Variants in PNPLA6 observed in about 807,000 individuals in gnomAD.
PNPLA6 encodes patatin like domain 6, lysophospholipase.
In PNPLA6, 105 loss-of-function variants were observed where a neutral mutation model predicts 153.7. That is an observed-to-expected ratio of 0.68 (90% CI 0.58 to 0.80). The LOEUF (loss-of-function observed/expected upper bound fraction) is 0.80, where lower values mean the gene tolerates loss of function less well. Among genes scored for constraint, PNPLA6 ranks in the 30% least tolerant of loss-of-function variants. The pLI, the probability that PNPLA6 is intolerant of heterozygous loss-of-function variation, is 0.00. For missense variants in PNPLA6, 1,423 were observed against 1,919.3 expected, an observed-to-expected ratio of 0.74 and a Z score of 4.83; for synonymous variants, 825 against 822.2, an observed-to-expected ratio of 1.00 and a Z score of -0.06.
In PNPLA6 at chr19:7,540,265, A is replaced by T; in HGVS notation, c.671A>T (p.Tyr224Phe). Residue 224 changes from tyrosine to phenylalanine, a missense_variant, in exon 5 of 32, where the codon TAC becomes TTC. By Grantham distance (22) the Tyr-to-Phe change is conservative. Around this residue, in one of 10 missense-constraint regions of PNPLA6, gnomAD observed 118 missense variants for 158.8 expected, o/e 0.74. Coordinates refer to ENST00000600737, the MANE Select transcript of PNPLA6 (RefSeq NM_001166114.2). The surrounding 1 kb of genome is among the most constrained non-coding windows in gnomAD (Gnocchi z 6.8). ...CCGGGCCAGCCAGATGCCAGCATCT[A>T]CGTGGTGCAGGACGGGCTGCTGGAG... ...FRPGQPDASI[Y>F]VVQDGLLELC... The T allele has an allele frequency of 6.2e-7, 1 of 1,609,186 alleles. No individual in the cohort carries two copies. The highest frequency in any genetic ancestry group is 1.1e-5 in the South Asian group (1 of 91,066).
At position 7,551,452 on chromosome 19, in the gene PNPLA6, G is replaced by A. The variant is rs1218990050; in HGVS notation, c.2260+15G>A. 25 of 1,608,902 alleles carry A rather than the reference G, an allele frequency of 1.6e-5. No individual in the cohort carries two copies. The highest frequency in any genetic ancestry group is 2.0e-5 in the Non-Finnish European group (24 of 1,175,504). Reference sequence around the variant, plus strand: ...ACCCTTCCCAGGTGAGAGCCGGCCGGCCCAGAGCGTGCTGGGAGATGTAGT... The same window carrying A: ...ACCCTTCCCAGGTGAGAGCCGGCCGACCCAGAGCGTGCTGGGAGATGTAGT... On this transcript the variant is annotated intron_variant, in intron 18 of 31. Transcript: ENST00000600737.
In PNPLA6 at chr19:7,557,160, C is replaced by A; in HGVS notation, c.3281-8C>A. 1 of 1,601,944 alleles carries A rather than the reference C, an allele frequency of 6.2e-7. No homozygotes were observed. The highest frequency in any genetic ancestry group is 8.5e-7 in the Non-Finnish European group (1 of 1,170,896). ...TGCGTGTTTGTGTCTGTGTGTCCCA[C>A]CGCGCAGGCTCCCTGTGGCGGTACG... On this transcript the variant is annotated splice_region_variant and splice_polypyrimidine_tract_variant and intron_variant, in intron 26 of 31. Coordinates refer to ENST00000600737, the MANE Select transcript of PNPLA6 (RefSeq NM_001166114.2).
chr19:7,559,227 T>C, intron 28 of PNPLA6, 76 bp downstream of exon 28: 3 of 1,277,362 alleles, frequency 2.3e-6, no homozygotes, highest in Non-Finnish European at 3.4e-6. Flanking sequence ...CAGAGTGGTA[T>C]GAGGGGGAGG....
intron 21 of PNPLA6, 76 bp downstream of exon 21, chr19:7,554,799 G>A (rs2023799002): frequency 8.8e-6 from 14 of 1,588,952 alleles, no homozygotes; most frequent in South Asian, 1.1e-5. Flanking sequence ...ACCAGGCCAC[G>A]TGCACCCTCG....
chr19:7,536,346 T>C, intron 2 of PNPLA6, 73 bp downstream of exon 2: 1 of 1,422,314 alleles, frequency 7.0e-7, no homozygotes, highest in Non-Finnish European at 9.9e-7. Flanking sequence ...CACTTCTTAG[T>C]GTCCGCCACC....
At chr19:7,536,673 T>G in intron 3 of PNPLA6, 127 bp downstream of exon 3, 1 of 726,990 alleles carries the variant, frequency 1.4e-6, no homozygotes, top group African/African-American at 1.7e-5. Context: ...ATGCCTGTAA[T>G]TCCCAGCACT....
At position 7,542,890 on chromosome 19, in the gene PNPLA6, G is replaced by A. The variant is rs375397452; in HGVS notation, c.1492G>A (p.Ala498Thr). Residue 498 changes from alanine (A) to threonine (T), a missense_variant, in exon 12 of 32, where the codon GCA (alanine) becomes ACA (threonine). By Grantham distance (58) the Ala-to-Thr change is moderately conservative (BLOSUM62 0). Transcript: ENST00000600737. ...QGRQTSSIFE[A>T]AKQELAKLMR... Reference sequence around the variant, plus strand: ...CCGCCAGACCAGCAGCATCTTCGAGGCAGCAAAGCAGGAGCTGGCCAAGCT... The same window carrying A: ...CCGCCAGACCAGCAGCATCTTCGAGACAGCAAAGCAGGAGCTGGCCAAGCT... The A allele has an allele frequency of 1.2e-5, 19 of 1,613,348 alleles. No homozygotes were observed. The African/African-American group carries it at 2.4e-4, about 20-fold the overall frequency.
Position 7,541,017 on chromosome 19 carries a change from C to G in PNPLA6, c.890C>G (p.Thr297Ser), listed in dbSNP as rs777868937. 6.2e-7 allele frequency: 1 copy of G among 1,610,976 alleles called. No homozygotes were observed. Among genetic ancestry groups the G allele is most frequent in the Non-Finnish European group, 8.5e-7 (1 of 1,179,238 alleles). The change falls in exon 7 of 32, where the codon ACC (threonine) becomes AGC (serine). Residue 297 changes from threonine (T) to serine (S), a missense_variant. Thr to Ser is a moderately conservative substitution (Grantham distance 58). Coordinates refer to ENST00000600737, the MANE Select transcript of PNPLA6 (RefSeq NM_001166114.2). This position sits in a 1 kb window ranked among gnomAD's most constrained non-coding sequence, Gnocchi z 5.2. ...LPVEAFSAVF[T>S]KYPESLVRVV... ...GTGGAAGCATTCTCCGCGGTCTTCA[C>G]CAAGTACCCGGAGAGCTTGGTGCGG...
In PNPLA6 at chr19:7,557,242, G is replaced by A. The variant is rs773955314; in HGVS notation, c.3355G>A (p.Gly1119Arg). Residue 1119 changes from glycine to arginine, a missense_variant, in exon 27 of 32, where the codon GGG becomes AGG. This residue lies in a region of PNPLA6 where 643 missense variants were observed against 835.2 expected (regional missense o/e 0.77). Coordinates refer to ENST00000600737, the MANE Select transcript of PNPLA6 (RefSeq NM_001166114.2). ...GCCCCCGCTGTGCGACCCCAAGGAC[G>A]GGCACCTACTCATGGATGGCGGCTA... is the stretch of plus-strand genomic sequence containing the variant. ...YLPPLCDPKD[G>R]HLLMDGGYIN... The A allele has an allele frequency of 2.0e-5, 33 of 1,613,374 alleles. 1 individual carries two copies. The highest frequency in any genetic ancestry group is 1.6e-4 in the Middle Eastern group (1 of 6,082).
chr19:7,535,742 G>GA lies in PNPLA6; in HGVS notation c.-45dup. On this transcript the variant is annotated 5_prime_UTR_variant, in exon 1 of 32. Transcript: ENST00000600737. The surrounding 1 kb of genome is among the most constrained non-coding windows in gnomAD (Gnocchi z 5.0). ...GCACTGCGGGCCGCCGGGCCTCAGG[G>GA]AAGAGTCGCGCCCCCGGGGAGGGAG... The GA allele has an allele frequency of 6.6e-7, 1 of 1,519,678 alleles. No individual in the cohort carries two copies. Among genetic ancestry groups the GA allele is most frequent in the Middle Eastern group, 1.7e-4 (1 of 5,920 alleles). 94.1% of individuals were successfully genotyped at this position (1,519,678 alleles called of 1,614,324 possible).
upstream of PNPLA6, chr19:7,535,595 G>C (rs1280869475): frequency 6.2e-7 from 1 of 1,601,060 alleles, no homozygotes; most frequent in African/African-American, 1.3e-5. The surrounding 1 kb of genome is among the most constrained non-coding windows in gnomAD (Gnocchi z 5.0). Flanking sequence ...GTGGGGCGGA[G>C]ACCGGGTAGG....
intron 3 of PNPLA6, 138 bp from the exon 4 acceptor site, chr19:7,539,780 A>AAT: frequency 1.8e-6 from 1 of 546,198 alleles, no homozygotes. Context: ...AAAAAAAAAA[A>AAT]GGTGGCCAGC....
chr19:7,554,298 A>G, intron 20 of PNPLA6, 26 bp downstream of exon 20: 1 of 1,433,178 alleles, frequency 7.0e-7, no homozygotes, highest in East Asian at 2.4e-5. Flanking sequence ...GGGAGTGGGG[A>G]GGGTGGTGGG....
At chr19:7,546,867 A>G (rs571411166) in intron 13 of PNPLA6, among the ~76,000 whole-genome samples, 2 of 151,768 alleles carry the variant, frequency 1.3e-5, no homozygotes, top group Admixed American at 6.6e-5. Context: ...TCTCTTGGGT[A>G]TATACCTAGG....
chr19:7,542,197 T>G, intron 10 of PNPLA6, 130 bp downstream of exon 10: 2 of 725,132 alleles, frequency 2.8e-6, no homozygotes, highest in South Asian at 3.1e-5. Context: ...AGGCACTGTT[T>G]TGTAGATATT....
Position 7,541,091 on chromosome 19 carries a change from C to A in PNPLA6, c.924+40C>A. On this transcript the variant is annotated intron_variant, in intron 7 of 31. Transcript: ENST00000600737. The surrounding 1 kb of genome is among the most constrained non-coding windows in gnomAD (Gnocchi z 5.2). Reference sequence around the variant, plus strand: ...GCCTCCTGTCACCCCCTGAGGGACCCCACCCTGGCCCCCACCCATTCCAGG... The same window carrying A: ...GCCTCCTGTCACCCCCTGAGGGACCACACCCTGGCCCCCACCCATTCCAGG... The A allele has an allele frequency of 1.3e-6, 2 of 1,590,930 alleles. No individual in the cohort carries two copies. The highest frequency in any genetic ancestry group is 2.3e-5 in the East Asian group (1 of 44,006).
rs746522719 is a variant in PNPLA6, at chr19:7,555,697, C to T, written c.3027C>T (p.Ile1009=). The change falls in exon 24 of 32, where the codon ATC becomes ATT. Residue 1009 remains isoleucine, a synonymous_variant. Coordinates refer to ENST00000600737, the MANE Select transcript of PNPLA6 (RefSeq NM_001166114.2). This position sits in a 1 kb window ranked among gnomAD's most constrained non-coding sequence, Gnocchi z 6.3. ...GCGGCACGTCCATTGGCTCTTTCAT[C>T]GGAGCGTTGTACGCGGAGGAGCGCA... ...LVGGTSIGSF[I]GALYAEERSA... 37 of 1,613,664 alleles carry T rather than the reference C, an allele frequency of 2.3e-5. No individual in the cohort carries two copies. Among genetic ancestry groups the T allele is most frequent in the Middle Eastern group, 1.7e-4 (1 of 5,990 alleles).
chr19:7,550,673 C>G (rs867173360), intron 16 of PNPLA6, 33 bp downstream of exon 16: 1 of 1,607,606 alleles, frequency 6.2e-7, no homozygotes, highest in Non-Finnish European at 8.5e-7. Context: ...GACCTCTGGC[C>G]TTTTCCAGGC....
At chr19:7,556,954 C>T in intron 26 of PNPLA6, 1 of 692,590 alleles carries the variant, frequency 1.4e-6, no homozygotes, top group Admixed American at 2.0e-5. Flanking sequence ...CCCCCTCACG[C>T]CATCCCCGCA....
Sources: gnomAD v4.1 joint callset for allele counts (sites outside exome capture counted in the v4.1 genomes callset) on GRCh38, gnomAD v4.1.1 for gene constraint, gnomAD v4.1.1 regional missense constraint, Gnocchi (gnomAD v3.1) non-coding constraint, MANE v1.5 for transcripts, NCBI Gene and HGNC (gene_info 2026-07-23, HGNC 2026-07-21) for gene names.